Variants in AGBL1 observed in about 807,000 individuals in gnomAD.
The protein encoded by AGBL1 is AGBL carboxypeptidase 1, also known as cytosolic carboxypeptidase 4.
AGBL1 carries 130 observed loss-of-function variants against 118.9 expected under a neutral mutation model. The ratio of observed to expected loss-of-function variants is 1.09; its 90% CI spans 0.95 to 1.26. The LOEUF (loss-of-function observed/expected upper bound fraction) is 1.26. AGBL1 is among the 50% of genes most tolerant of loss of function. The pLI is 0.00. For missense variants in AGBL1, 1,584 were observed against 1,298.1 expected (o/e 1.22, Z -3.38); for synonymous variants, 555 against 478.9 (o/e 1.16, Z -2.08).
At chr15:86,538,281 A>C (rs1173667718) in intron 19 of AGBL1, among the ~76,000 whole-genome samples, 3 of 152,190 alleles carry the variant, frequency 2.0e-5, no homozygotes, top group Non-Finnish European at 2.9e-5. Context: ...TTGGGAAAGG[A>C]AACAGAGCAT....
At chr15:87,029,646 G>A (rs1038581563), downstream of AGBL1, among the ~76,000 whole-genome samples, 2 of 151,926 alleles carry the variant, frequency 1.3e-5, no homozygotes, top group African/African-American at 4.8e-5. Context: ...AAGGTTTAGA[G>A]AGTATTTTTT....
chr15:86,565,286 TG>T (rs1434563650), intron 21 of AGBL1, among the ~76,000 whole-genome samples: 6 of 152,234 alleles, frequency 3.9e-5, no homozygotes, highest in Non-Finnish European at 8.8e-5. Flanking sequence ...TCTTTGATGA[TG>T]GTGACGTACA....
intron 19 of AGBL1, among the ~76,000 whole-genome samples, chr15:86,525,288 G>A (rs891242154): frequency 6.6e-6 from 1 of 152,044 alleles, no homozygotes; most frequent in African/African-American, 2.4e-5. Flanking sequence ...CTCATGGATA[G>A]GAAGAATCAA....
At chr15:86,191,372 AG>A (rs2077719058) in intron 5 of AGBL1, among the ~76,000 whole-genome samples, 1 of 138,704 alleles carries the variant, frequency 7.2e-6, no homozygotes, top group African/African-American at 2.5e-5. Flanking sequence ...AAAAAAAAAG[AG>A]AGAGAGAGAA....
At chr15:86,397,025 C>T (rs534332363) in intron 17 of AGBL1, among the ~76,000 whole-genome samples, 2 of 152,126 alleles carry the variant, frequency 1.3e-5, no homozygotes, top group Non-Finnish European at 2.9e-5. Flanking sequence ...TTGAGTCTTG[C>T]AGACCACAGA....
chr15:86,982,775 TAA>T (rs1187354887), intron 23 of AGBL1, among the ~76,000 whole-genome samples: 7 of 152,204 alleles, frequency 4.6e-5, no homozygotes, highest in African/African-American at 1.4e-4. Flanking sequence ...TAATACGAAA[TAA>T]GTGTTAACTG....
chr15:86,330,492 G>GA (rs1232722411), intron 17 of AGBL1, among the ~76,000 whole-genome samples: 2 of 152,182 alleles, frequency 1.3e-5, no homozygotes, highest in Non-Finnish European at 2.9e-5. Flanking sequence ...CCACTTACGT[G>GA]AAAATAATTA....
chr15:86,421,065 A>T (rs2081782587), intron 18 of AGBL1, among the ~76,000 whole-genome samples: 1 of 152,222 alleles, frequency 6.6e-6, no homozygotes. Context: ...AACTTCCCCA[A>T]CCTAGCAAAA....
chr15:86,494,432 A>G (rs573234607), intron 18 of AGBL1, among the ~76,000 whole-genome samples: 11 of 152,138 alleles, frequency 7.2e-5, no homozygotes, highest in African/African-American at 2.6e-4. Flanking sequence ...AAAGTTGACT[A>G]TGGAGTATCA....
chr15:86,767,732 A>G (rs1417412288), intron 22 of AGBL1, among the ~76,000 whole-genome samples: 1 of 151,990 alleles, frequency 6.6e-6, no homozygotes, highest in East Asian at 1.9e-4. Flanking sequence ...TCACCAGACT[A>G]AGAACAGAGA....
chr15:86,215,224 C>CGTGTGTGT (rs1555449552), intron 5 of AGBL1, among the ~76,000 whole-genome samples: 10 of 114,402 alleles, frequency 8.7e-5, no homozygotes, highest in Non-Finnish European at 1.5e-4. Flanking sequence ...TATATGTATG[C>CGTGTGTGT]GTGTGTGTGT....
At chr15:86,546,158 C>T in intron 20 of AGBL1, 25 bp downstream of exon 20, 1 of 1,603,030 alleles carries the variant, frequency 6.2e-7, no homozygotes, top group Non-Finnish European at 8.5e-7. Flanking sequence ...GGAATGACAT[C>T]AGACATGCTG....
At chr15:86,289,095 G>A (rs536365037) in intron 16 of AGBL1, among the ~76,000 whole-genome samples, 111 of 152,198 alleles carry the variant, frequency 7.3e-4, no homozygotes, top group Non-Finnish European at 1.4e-3. Context: ...GATAATTTAA[G>A]AGCATTTCTC....
intron 22 of AGBL1, among the ~76,000 whole-genome samples, chr15:86,776,272 T>C (rs1222629973): frequency 6.6e-6 from 1 of 152,146 alleles, no homozygotes; most frequent in Admixed American, 6.6e-5. Flanking sequence ...AAGTTCTCTA[T>C]GTCAGCAATT....
chr15:86,306,498 C>CT (rs964531991), intron 17 of AGBL1, among the ~76,000 whole-genome samples: 6 of 152,238 alleles, frequency 3.9e-5, no homozygotes, highest in Non-Finnish European at 5.9e-5. Flanking sequence ...GAATCTTATT[C>CT]TTTTTTATGG....
At chr15:86,394,320 T>A (rs145392902) in intron 17 of AGBL1, among the ~76,000 whole-genome samples, 1 of 152,276 alleles carries the variant, frequency 6.6e-6, no homozygotes, top group Non-Finnish European at 1.5e-5. Context: ...TTTCTTCTGA[T>A]GAAAATGCAT....
Position 86,269,950 on chromosome 15 carries a change from G to A in AGBL1, c.1870G>A (p.Val624Met), listed in dbSNP as rs1446869056. 2 of 1,613,830 alleles carry A rather than the reference G, an allele frequency of 1.2e-6. No homozygotes were observed. The highest frequency in any genetic ancestry group is 2.7e-5 in the African/African-American group (2 of 74,934). ...GTATGACTTGCTGGTCAACGCAGAT[G>A]TGAATAGCACCCAGCACCAGCAGTG... ...FEYDLLVNAD[V>M]NSTQHQQWFY... Residue 624 changes from valine to methionine, a missense_variant, in exon 14 of 23, where the codon GTG becomes ATG. By Grantham distance (21) the Val-to-Met change is conservative. Coordinates refer to ENST00000614907, the MANE Select transcript of AGBL1 (RefSeq NM_001386094.1).
At chr15:86,468,146 G>A (rs752537944) in intron 18 of AGBL1, among the ~76,000 whole-genome samples, 1 of 152,056 alleles carries the variant, frequency 6.6e-6, no homozygotes, top group African/African-American at 2.4e-5. Flanking sequence ...CAGATACTTG[G>A]ATAATTCACA....
intron 5 of AGBL1, among the ~76,000 whole-genome samples, chr15:86,196,879 G>GCGCGTGCA (rs756313941): frequency 8.5e-6 from 1 of 116,962 alleles, no homozygotes; most frequent in African/African-American, 3.6e-5. Context: ...GCGCGCGCGC[G>GCGCGTGCA]CACACACACA....
Sources: allele counts gnomAD v4.1 joint callset (sites outside exome capture counted in the v4.1 genomes callset), GRCh38; gene constraint gnomAD v4.1.1; transcripts MANE v1.5; gene names NCBI Gene and HGNC (gene_info 2026-07-23, HGNC 2026-07-21).